The following USP13 variants were observed in gnomAD, a reference collection of about 807,000 sequenced individuals.
The protein encoded by USP13 is ubiquitin specific peptidase 13.
Under a neutral mutation model 107.8 loss-of-function variants are expected in USP13, and 68 were observed. The ratio of observed to expected loss-of-function variants is 0.63; its 90% CI spans 0.52 to 0.77. The LOEUF (loss-of-function observed/expected upper bound fraction) is 0.77. Among genes scored for constraint, USP13 ranks in the 30% least tolerant of loss-of-function variants. The pLI is 0.00. For missense variants in USP13, 945 were observed against 1,093.3 expected, an observed-to-expected ratio of 0.86 and a Z score of 1.91; for synonymous variants, 377 against 389.5, an observed-to-expected ratio of 0.97 and a Z score of 0.38.
intron 2 of USP13, among the ~76,000 whole-genome samples, chr3:179,689,892 C>G (rs982784992): frequency 6.6e-6 from 1 of 152,134 alleles, no homozygotes; most frequent in African/African-American, 2.4e-5. Flanking sequence ...TTCTGGAGCC[C>G]CATCATCTTT....
At chr3:179,658,974 G>A (rs1291311533) in intron 1 of USP13, among the ~76,000 whole-genome samples, 2 of 152,060 alleles carry the variant, frequency 1.3e-5, no homozygotes, top group East Asian at 1.9e-4. Context: ...AACCAAAAAG[G>A]TGGCCGGAGG....
Position 179,681,895 on chromosome 3 carries a change from CTATG to C in USP13, c.191_194del (p.Val64AlafsTer2). On this transcript the variant is annotated frameshift_variant, in exon 2 of 21. Coordinates refer to ENST00000263966, the MANE Select transcript of USP13 (RefSeq NM_003940.3). LOFTEE classifies it high-confidence loss of function. ...TCTTCTAGAATTCTGAAGGTGGACTCTATGTATGCATGAATACATTTTTGGCCTT... is the reference window on the plus strand; with the variant it reads ...TCTTCTAGAATTCTGAAGGTGGACTCTATGCATGAATACATTTTTGGCCTT... 6.2e-7 allele frequency: 1 copy of C among 1,613,126 alleles called. No individual in the cohort carries two copies. Among genetic ancestry groups the C allele is most frequent in the Non-Finnish European group, 8.5e-7 (1 of 1,179,540 alleles).
At chr3:179,673,497 A>T (rs1316285277) in intron 1 of USP13, among the ~76,000 whole-genome samples, 3 of 152,306 alleles carry the variant, frequency 2.0e-5, no homozygotes, top group East Asian at 1.9e-4. Context: ...TCAGCTTCTA[A>T]AGGTACTGGC....
chr3:179,723,600 T>A (rs1190819800), intron 8 of USP13, among the ~76,000 whole-genome samples: 1 of 152,194 alleles, frequency 6.6e-6, no homozygotes, highest in African/African-American at 2.4e-5. Flanking sequence ...AATTTAGTAT[T>A]TGAATCTCTC....
At chr3:179,674,597 T>C (rs1160739201) in intron 1 of USP13, among the ~76,000 whole-genome samples, 1 of 151,280 alleles carries the variant, frequency 6.6e-6, no homozygotes, top group Non-Finnish European at 1.5e-5. Context: ...ATACTGCATG[T>C]GTGAATATTT....
intron 9 of USP13, 25 bp from the exon 10 acceptor site, chr3:179,730,591 G>A (rs1339278409): frequency 8.0e-7 from 1 of 1,249,124 alleles, no homozygotes; most frequent in Non-Finnish European, 1.1e-6. Flanking sequence ...TGACCTTTTT[G>A]TTTCTGTTTC....
At chr3:179,771,976 T>G (rs1351863370) in intron 19 of USP13, among the ~76,000 whole-genome samples, 1 of 152,232 alleles carries the variant, frequency 6.6e-6, no homozygotes, top group Non-Finnish European at 1.5e-5. Context: ...CCACTTTTCC[T>G]TCACTGCTTA....
At chr3:179,755,556 C>T (rs1714762327) in intron 15 of USP13, among the ~76,000 whole-genome samples, 1 of 152,176 alleles carries the variant, frequency 6.6e-6, no homozygotes. Context: ...CCTCAGCCTC[C>T]CAAAGTGTTG....
chr3:179,736,557 G>A (rs1288339594), intron 10 of USP13, among the ~76,000 whole-genome samples: 1 of 152,234 alleles, frequency 6.6e-6, no homozygotes, highest in Non-Finnish European at 1.5e-5. Flanking sequence ...AGAGGAGGAG[G>A]TAGCATCTGG....
chr3:179,719,790 C>T (rs990669125), intron 6 of USP13, 150 bp from the exon 7 acceptor site: 8 of 509,618 alleles, frequency 1.6e-5, no homozygotes, highest in African/African-American at 3.9e-5. Flanking sequence ...ATTTATCATT[C>T]GTCTTTCCTC....
chr3:179,657,762 CAAAAA>C (rs35377039), intron 1 of USP13, among the ~76,000 whole-genome samples: 132 of 73,852 alleles, frequency 1.8e-3, no homozygotes, highest in African/African-American at 6.1e-3. Flanking sequence ...AATTCCGTCT[CAAAAA>C]AAAAAAAAAA....
chr3:179,788,448 T>C lies in USP13; in HGVS notation c.*4307T>C, dbSNP rs1715972134. On this transcript the variant is annotated 3_prime_UTR_variant, in exon 21 of 21. Coordinates refer to ENST00000263966, the MANE Select transcript of USP13 (RefSeq NM_003940.3). ...GGCAGTCAACAGCCATATGTGGCGA[T>C]GACTACTCAAAGTTTGGCTTGTTCA... 6.6e-6 allele frequency: 1 copy of C among 152,208 alleles called. No individual in the cohort carries two copies. The highest frequency in any genetic ancestry group is 2.1e-4 in the South Asian group (1 of 4,824). 9.4% of individuals were successfully genotyped at this position (152,208 alleles called of 1,614,324 possible). A position where few individuals can be genotyped will look rare whatever the true frequency, so the allele number is the denominator to read the frequency against.
chr3:179,681,797 C>T (rs1262196560), intron 1 of USP13, 81 bp from the exon 2 acceptor site: 6 of 1,504,444 alleles, frequency 4.0e-6, no homozygotes, highest in African/African-American at 1.4e-5. Context: ...TCAGCGTTTG[C>T]CTTCCTTCCC....
At chr3:179,729,350 A>C (rs1713709723) in intron 8 of USP13, among the ~76,000 whole-genome samples, 1 of 152,220 alleles carries the variant, frequency 6.6e-6, no homozygotes. Context: ...TGCTTACTTA[A>C]ACTGGATCTA....
At chr3:179,772,931 A>G (rs1206821831) in intron 19 of USP13, among the ~76,000 whole-genome samples, 1 of 152,214 alleles carries the variant, frequency 6.6e-6, no homozygotes, top group Non-Finnish European at 1.5e-5. Flanking sequence ...TTGAGAATTC[A>G]GAAATTTCTG....
intron 14 of USP13, among the ~76,000 whole-genome samples, chr3:179,753,640 T>TA (rs1248590652): frequency 1.3e-5 from 2 of 152,228 alleles, no homozygotes; most frequent in African/African-American, 4.8e-5. Context: ...GGTGAGTTTT[T>TA]ATGTTTGGTT....
At chr3:179,658,931 C>G (rs1720371489) in intron 1 of USP13, among the ~76,000 whole-genome samples, 1 of 152,234 alleles carries the variant, frequency 6.6e-6, no homozygotes, top group South Asian at 2.1e-4. Flanking sequence ...TTGGGCCACA[C>G]CTGCTGTGAC....
chr3:179,680,168 G>C (rs1466258903), intron 1 of USP13, among the ~76,000 whole-genome samples: 1 of 124,030 alleles, frequency 8.1e-6, no homozygotes, highest in Non-Finnish European at 1.7e-5. Context: ...GTGAGACGCT[G>C]TTGAAAACAA....
At chr3:179,776,296 T>G (rs968721416) in intron 19 of USP13, among the ~76,000 whole-genome samples, 2 of 152,108 alleles carry the variant, frequency 1.3e-5, no homozygotes, top group Admixed American at 6.5e-5. Context: ...TGGGCCAGAT[T>G]TGGCTAATGG....
Sources: allele counts gnomAD v4.1 joint callset (sites outside exome capture counted in the v4.1 genomes callset), GRCh38; gene constraint gnomAD v4.1.1; transcripts MANE v1.5; gene names NCBI Gene and HGNC (gene_info 2026-07-23, HGNC 2026-07-21).